Variants in RIMS2 observed in about 807,000 individuals in gnomAD.
RIMS2 encodes the protein regulating synaptic membrane exocytosis 2, also known as regulating synaptic membrane exocytosis protein 2.
Under a neutral mutation model 174.4 loss-of-function variants are expected in RIMS2, and 59 were observed. The ratio of observed to expected loss-of-function variants is 0.34; its 90% CI spans 0.27 to 0.42. The LOEUF is 0.42. RIMS2 is among the 10% of genes least tolerant of loss of function. RIMS2 has a pLI of 1.00. For synonymous variants in RIMS2, 606 were observed against 572.5 expected (o/e 1.06, Z -0.84); for missense variants, 1,620 against 1,666.3 (o/e 0.97, Z 0.48).
At chr8:103,616,490 A>G (rs960935361) in intron 1 of RIMS2, among the ~76,000 whole-genome samples, 1 of 152,218 alleles carries the variant, frequency 6.6e-6, no homozygotes, top group African/African-American at 2.4e-5. Context: ...CACCACTTCT[A>G]TTCAACATAG....
chr8:103,866,150 AT>A, intron 3 of RIMS2, among the ~76,000 whole-genome samples: 1 of 152,306 alleles, frequency 6.6e-6, no homozygotes, highest in South Asian at 2.1e-4. Context: ...CCAAAATGCC[AT>A]GTTAATGTGT....
chr8:103,977,819 C>T (rs1416751933), intron 16 of RIMS2, among the ~76,000 whole-genome samples: 2 of 152,126 alleles, frequency 1.3e-5, no homozygotes, highest in African/African-American at 4.8e-5. Context: ...TCATGTTTAC[C>T]AGTTTATTAT....
intron 3 of RIMS2, among the ~76,000 whole-genome samples, chr8:103,797,452 A>G (rs2098557501): frequency 6.6e-6 from 1 of 152,176 alleles, no homozygotes. Context: ...GAACTAAATC[A>G]CTGAAAAAGT....
At chr8:103,982,261 C>T (rs769148596) in intron 16 of RIMS2, among the ~76,000 whole-genome samples, 2 of 151,946 alleles carry the variant, frequency 1.3e-5, no homozygotes, top group African/African-American at 2.4e-5. Flanking sequence ...TGAACAGTCT[C>T]CCAGTAAAGA....
intron 3 of RIMS2, among the ~76,000 whole-genome samples, chr8:103,839,020 G>A (rs1397392344): frequency 1.3e-5 from 2 of 152,052 alleles, no homozygotes; most frequent in Non-Finnish European, 2.9e-5. Context: ...AGCCAAGATC[G>A]CGCCACTGCA....
chr8:103,578,709 C>A (rs1327779099), intron 1 of RIMS2, among the ~76,000 whole-genome samples: 2 of 151,818 alleles, frequency 1.3e-5, no homozygotes, highest in Non-Finnish European at 2.9e-5. Flanking sequence ...TTAAGAATAC[C>A]ATGGCTGAGC....
chr8:104,207,504 G>A (rs2099085893), intron 19 of RIMS2, among the ~76,000 whole-genome samples: 2 of 151,900 alleles, frequency 1.3e-5, no homozygotes, highest in African/African-American at 4.8e-5. Context: ...GCATAATATT[G>A]TCCATAAAAT....
intron 1 of RIMS2, among the ~76,000 whole-genome samples, chr8:103,527,707 A>G (rs1225934012): frequency 1.3e-5 from 2 of 152,202 alleles, no homozygotes; most frequent in East Asian, 3.8e-4. Flanking sequence ...ATGTCCCTAC[A>G]AAGGACATGA....
At chr8:104,174,406 C>T (rs2098858232) in intron 19 of RIMS2, among the ~76,000 whole-genome samples, 1 of 86,310 alleles carries the variant, frequency 1.2e-5, no homozygotes, top group African/African-American at 4.9e-5. Context: ...TTAAAAGGCA[C>T]AAAGAGCTAA....
chr8:104,002,996 G>A (rs1385310593), intron 17 of RIMS2, among the ~76,000 whole-genome samples: 1 of 151,968 alleles, frequency 6.6e-6, no homozygotes, highest in Non-Finnish European at 1.5e-5. Context: ...AACATGTTTA[G>A]GATGGATATC....
chr8:103,790,709 A>G (rs2098489105), intron 3 of RIMS2, among the ~76,000 whole-genome samples: 1 of 152,158 alleles, frequency 6.6e-6, no homozygotes, highest in Non-Finnish European at 1.5e-5. Flanking sequence ...GGCTATTTAT[A>G]TATCTTCTTT....
At chr8:104,097,857 C>G (rs999489672) in intron 19 of RIMS2, among the ~76,000 whole-genome samples, 2 of 151,998 alleles carry the variant, frequency 1.3e-5, no homozygotes, top group Non-Finnish European at 2.9e-5. Context: ...TTTTAATGGC[C>G]ATTACTTTTA....
chr8:103,635,725 G>C (rs548017362), intron 1 of RIMS2, among the ~76,000 whole-genome samples: 3 of 151,968 alleles, frequency 2.0e-5, no homozygotes, highest in Admixed American at 2.0e-4. Flanking sequence ...AAAGAAGTTT[G>C]GCCACATTTT....
At position 103,827,550 on chromosome 8, in the gene RIMS2, G is replaced by T. The variant is rs565440325; in HGVS notation, c.699-57748G>T. On this transcript the variant is annotated intron_variant, in intron 3 of 23. Coordinates refer to ENST00000504942, the Ensembl canonical transcript of RIMS2. Reference sequence around the variant, plus strand: ...ATAATAGTTTTTAAAAAATAATCACGAATGGGTTGGGCGCAGTGGCTCACG... The same window carrying T: ...ATAATAGTTTTTAAAAAATAATCACTAATGGGTTGGGCGCAGTGGCTCACG... Among the ~76,000 whole-genome samples the T allele has an allele frequency of 1.7e-4, 26 of 152,190 alleles. No individual in the cohort carries two copies. The East Asian group carries it at 4.8e-3, about 28-fold the overall frequency.
At chr8:104,154,298 G>T (rs1348673627) in intron 19 of RIMS2, among the ~76,000 whole-genome samples, 2 of 152,090 alleles carry the variant, frequency 1.3e-5, no homozygotes, top group Non-Finnish European at 2.9e-5. Flanking sequence ...TTACAGTCTA[G>T]AATAGCACTG....
At chr8:103,750,168 T>C (rs1219922028) in intron 2 of RIMS2, among the ~76,000 whole-genome samples, 2 of 152,136 alleles carry the variant, frequency 1.3e-5, no homozygotes, top group Admixed American at 6.5e-5. Context: ...ATTGTTAACC[T>C]ATTTTTTCCC....
At chr8:104,166,496 T>C (rs2098799120) in intron 19 of RIMS2, among the ~76,000 whole-genome samples, 1 of 152,086 alleles carries the variant, frequency 6.6e-6, no homozygotes, top group South Asian at 2.1e-4. Context: ...AGAAAAAACA[T>C]TTAGTATGCA....
Position 104,245,064 on chromosome 8 carries a change from G to A in RIMS2, c.3476+7G>A, listed in dbSNP as rs1352471099. 1.2e-6 allele frequency: 2 copies of A among 1,613,332 alleles called. No individual in the cohort carries two copies. The highest frequency in any genetic ancestry group is 4.5e-5 in the East Asian group (2 of 44,864). ...GCTACAGCTCAGAAGGAAAGTGAGTGAGGCTGCATGTGATGTGTGTCTCCT... is the reference window on the plus strand; with the variant it reads ...GCTACAGCTCAGAAGGAAAGTGAGTAAGGCTGCATGTGATGTGTGTCTCCT... On this transcript the variant is annotated splice_region_variant and intron_variant, in intron 20 of 23. Coordinates refer to ENST00000504942, the Ensembl canonical transcript of RIMS2.
At chr8:103,845,631 AT>A (rs1041058906) in intron 3 of RIMS2, among the ~76,000 whole-genome samples, 1 of 152,006 alleles carries the variant, frequency 6.6e-6, no homozygotes, top group African/African-American at 2.4e-5. Context: ...AAATTAAGTA[AT>A]TTTTTTATAG....
Sources: gnomAD v4.1 joint callset for allele counts (sites outside exome capture counted in the v4.1 genomes callset) on GRCh38, gnomAD v4.1.1 for gene constraint, MANE v1.5 for transcripts, NCBI Gene and HGNC (gene_info 2026-07-23, HGNC 2026-07-21) for gene names.